VMP1: variants seen among roughly 807,000 people sequenced by gnomAD.
VMP1 encodes ectopic P-granules autophagy protein 3 homolog.
Under a neutral mutation model 56.0 loss-of-function variants are expected in VMP1, and 11 were observed. That is an observed-to-expected ratio of 0.20 (90% CI 0.12 to 0.32). The LOEUF is 0.32. Ranked by LOEUF, VMP1 falls within the 10% of genes least tolerant of loss-of-function variation. VMP1 has a pLI of 1.00. For missense variants in VMP1, 296 were observed against 490.3 expected (o/e 0.60, Z 3.74); for synonymous variants, 149 against 165.0 (o/e 0.90, Z 0.74).
intron 11 of VMP1, chr17:59,838,627 G>C (rs2039060898): frequency 1.9e-6 from 1 of 512,926 alleles, no homozygotes; most frequent in Non-Finnish European, 3.5e-6. Context: ...CCAATGGAAA[G>C]TAATGGTTCT....
chr17:59,724,597 G>A (rs1459188445), intron 1 of VMP1, among the ~76,000 whole-genome samples: 3 of 152,200 alleles, frequency 2.0e-5, no homozygotes, highest in East Asian at 1.9e-4. Flanking sequence ...GTTTGAATCC[G>A]GGAGGCAGAG....
intron 8 of VMP1, among the ~76,000 whole-genome samples, chr17:59,810,532 ACT>A (rs1337582766): frequency 6.6e-6 from 1 of 152,214 alleles, no homozygotes; most frequent in Admixed American, 6.5e-5. Context: ...AAAAGTTATA[ACT>A]CATAGAATTA....
At chr17:59,779,157 A>G (rs1327642884) in intron 7 of VMP1, among the ~76,000 whole-genome samples, 1 of 152,248 alleles carries the variant, frequency 6.6e-6, no homozygotes, top group Non-Finnish European at 1.5e-5. Flanking sequence ...GTCAAGGAAC[A>G]TCTGTATCAG....
At chr17:59,750,342 C>T (rs1042313902) in intron 5 of VMP1, among the ~76,000 whole-genome samples, 31 of 148,366 alleles carry the variant, frequency 2.1e-4, no homozygotes, top group African/African-American at 7.8e-4. Flanking sequence ...GCTCTTGTTG[C>T]CCAGGCTGTA....
intron 5 of VMP1, among the ~76,000 whole-genome samples, chr17:59,757,851 A>G (rs376785045): frequency 1.3e-5 from 1 of 77,932 alleles, no homozygotes; most frequent in Non-Finnish European, 2.6e-5. Context: ...ACAGACCTTT[A>G]TTTGCCACTT....
At chr17:59,778,291 AG>A (rs2036696097) in intron 7 of VMP1, among the ~76,000 whole-genome samples, 1 of 152,240 alleles carries the variant, frequency 6.6e-6, no homozygotes, top group East Asian at 1.9e-4. Flanking sequence ...CTGTAATCCC[AG>A]CACTTTGGGA....
At position 59,731,369 on chromosome 17, in the gene VMP1, C is replaced by A. The variant is rs575881570; in HGVS notation, c.-26-52C>A. On this transcript the variant is annotated intron_variant, in intron 1 of 11. Transcript: ENST00000262291. ...TGTATTCAGTTTTATTCAGTCACAGCTACACAGCAGAAGTTTGTAATGTAT... is the reference window on the plus strand; with the variant it reads ...TGTATTCAGTTTTATTCAGTCACAGATACACAGCAGAAGTTTGTAATGTAT... The A allele has an allele frequency of 2.7e-6, 3 of 1,110,954 alleles. No homozygotes were observed. In the South Asian group the frequency reaches 4.4e-5, roughly 16 times the overall value. The allele number at this position is 1,110,954 out of a possible 1,614,324, so 68.8% of individuals were successfully genotyped here.
chr17:59,714,572 T>G (rs2034074698), intron 1 of VMP1, among the ~76,000 whole-genome samples: 1 of 152,096 alleles, frequency 6.6e-6, no homozygotes, highest in South Asian at 2.1e-4. Context: ...AGCAAGGTTT[T>G]TCACCTTTTT....
At chr17:59,740,403 C>G (rs1219041599) in intron 5 of VMP1, among the ~76,000 whole-genome samples, 2 of 152,164 alleles carry the variant, frequency 1.3e-5, no homozygotes, top group Non-Finnish European at 2.9e-5. Flanking sequence ...CAAGCAGTAC[C>G]CATTGCTGAA....
chr17:59,809,304 CTTTTTTTTTTTTTT>C (rs57274450), intron 8 of VMP1, among the ~76,000 whole-genome samples: 1 of 33,430 alleles, frequency 3.0e-5, no homozygotes, highest in African/African-American at 1.9e-4. Context: ...GCCCATTCAA[CTTTTTTTTTTTTTT>C]TTTTTTTTTT....
chr17:59,823,723 C>T (rs953896818), intron 10 of VMP1, among the ~76,000 whole-genome samples: 13 of 151,872 alleles, frequency 8.6e-5, no homozygotes, highest in Admixed American at 6.6e-4. Context: ...TGCACTCCAA[C>T]CTGGGTGACA....
intron 5 of VMP1, among the ~76,000 whole-genome samples, chr17:59,758,370 A>G (rs566917679): frequency 9.8e-4 from 150 of 152,292 alleles, no homozygotes; most frequent in African/African-American, 3.5e-3. Flanking sequence ...TCTATCAATT[A>G]ATGAAATATA....
intron 7 of VMP1, among the ~76,000 whole-genome samples, chr17:59,803,852 T>A (rs753718156): frequency 1.3e-5 from 2 of 152,128 alleles, no homozygotes; most frequent in Admixed American, 6.5e-5. Context: ...AAATATTGTT[T>A]ATTATTGGTG....
intron 7 of VMP1, among the ~76,000 whole-genome samples, chr17:59,794,078 G>A (rs1376583920): frequency 1.3e-5 from 2 of 150,204 alleles, no homozygotes; most frequent in South Asian, 2.1e-4. Flanking sequence ...CTGCCACCAC[G>A]CCTGGCTAAT....
chr17:59,757,074 C>T (rs1213756662), intron 5 of VMP1, among the ~76,000 whole-genome samples: 2 of 152,124 alleles, frequency 1.3e-5, no homozygotes, highest in African/African-American at 2.4e-5. Context: ...TATCATTTTA[C>T]TAATATGATT....
chr17:59,784,720 C>T (rs1344911985), intron 7 of VMP1: 1 of 152,146 alleles, frequency 6.6e-6, no homozygotes, highest in Non-Finnish European at 1.5e-5. Flanking sequence ...TCTTATTTTG[C>T]TGTAAAATGT....
In VMP1 at chr17:59,765,099, G is replaced by C. The variant is rs1428126973; in HGVS notation, c.543G>C (p.Trp181Cys). 6.2e-7 allele frequency: 1 copy of C among 1,614,038 alleles called. No individual in the cohort carries two copies. The highest frequency in any genetic ancestry group is 1.7e-5 in the Admixed American group (1 of 60,008). Residue 181 changes from tryptophan (W) to cysteine (C), a missense_variant, in exon 6 of 12, where the codon TGG becomes TGC. By Grantham distance (215) the Trp-to-Cys change is radical. Transcript: ENST00000262291. ...EEGTEGTISLWSIISKVRIEA... is the reference protein window; with the variant it reads ...EEGTEGTISLCSIISKVRIEA... The stretch of plus-strand genomic sequence containing the variant: ...GCACTGAAGGAACCATTTCTTTGTG[G>C]AGTATCATCTCAAAAGTTAGGATTG...
intron 10 of VMP1, among the ~76,000 whole-genome samples, chr17:59,837,276 G>A (rs2039013110): frequency 6.6e-6 from 1 of 152,092 alleles, no homozygotes; most frequent in Middle Eastern, 3.2e-3. Flanking sequence ...AGTGTTGCAA[G>A]TACATATCGG....
chr17:59,773,631 G>T, intron 6 of VMP1, 123 bp from the exon 7 acceptor site: 1 of 935,666 alleles, frequency 1.1e-6, no homozygotes, highest in African/African-American at 1.7e-5. Context: ...TGTAGCATAT[G>T]CTTTCCCCCA....
Sources: allele counts gnomAD v4.1 joint callset (sites outside exome capture counted in the v4.1 genomes callset), GRCh38; gene constraint gnomAD v4.1.1; transcripts MANE v1.5; gene names NCBI Gene and HGNC (gene_info 2026-07-23, HGNC 2026-07-21).